HTR1F: variants seen among roughly 807,000 people sequenced by gnomAD.
HTR1F encodes the protein 5-hydroxytryptamine (serotonin) receptor 1F, G protein-coupled.
In HTR1F, 17 loss-of-function variants were observed where a neutral mutation model predicts 24.0. The ratio of observed to expected loss-of-function variants is 0.71; its 90% confidence interval spans 0.48 to 1.06. The LOEUF is 1.06. Ranked by LOEUF, HTR1F falls within the 50% of genes least tolerant of loss-of-function variation. The probability of loss-of-function intolerance (pLI) is 0.00; values close to 1 mark genes in which losing one functional copy is unlikely to be tolerated. For synonymous variants in HTR1F, 186 were observed against 156.8 expected, an observed-to-expected ratio of 1.19 and a Z score of -1.39; for missense variants, 391 against 427.8, an observed-to-expected ratio of 0.91 and a Z score of 0.76.
In HTR1F at chr3:87,993,150, A is replaced by T. The variant is rs1431157829; in HGVS notation, c.*1300A>T. On this transcript the variant is annotated 3_prime_UTR_variant, in exon 3 of 3. Transcript: ENST00000319595. ...CAAGATCGTTTGAAAAACAATATATACCTTTTTTTAAGTTGTACATTTATG... is the reference window on the plus strand; with the variant it reads ...CAAGATCGTTTGAAAAACAATATATTCCTTTTTTTAAGTTGTACATTTATG... 3 of 166,780 alleles carry T rather than the reference A, an allele frequency of 1.8e-5. No individual in the cohort carries two copies. The highest frequency in any genetic ancestry group is 4.4e-5 in the Non-Finnish European group (3 of 68,062). 10.3% of individuals were successfully genotyped at this position (166,780 alleles called of 1,614,324 possible). A position where few individuals can be genotyped will look rare whatever the true frequency, so the allele number is the denominator to read the frequency against.
At chr3:87,895,921 T>C (rs1426335546) in intron 2 of HTR1F, among the ~76,000 whole-genome samples, 10 of 152,152 alleles carry the variant, frequency 6.6e-5, no homozygotes, top group Non-Finnish European at 1.5e-5. Context: ...GGTGGTGTGA[T>C]GAGTAAGTGA....
chr3:87,868,551 A>T lies in HTR1F; in HGVS notation c.-43+46427A>T, dbSNP rs1705475823. Among the ~76,000 whole-genome samples the T allele has an allele frequency of 2.0e-5, 3 of 151,952 alleles. No individual in the cohort carries two copies. In the South Asian group the frequency reaches 6.2e-4, roughly 32 times the overall value. Reference sequence around the variant, plus strand: ...AATATATTCTGTTTTTAGGTAAAATATTGCCTGTCTAAATTATTATAAAAT... The same window carrying T: ...AATATATTCTGTTTTTAGGTAAAATTTTGCCTGTCTAAATTATTATAAAAT... On this transcript the variant is annotated intron_variant, in intron 2 of 2. Coordinates refer to ENST00000319595, the MANE Select transcript of HTR1F (RefSeq NM_001322209.2).
chr3:87,848,073 GT>G (rs1214020885), intron 2 of HTR1F, among the ~76,000 whole-genome samples: 1 of 151,910 alleles, frequency 6.6e-6, no homozygotes, highest in East Asian at 1.9e-4. Context: ...CCTCTTTTTA[GT>G]TTTTTGAGAA....
intron 2 of HTR1F, among the ~76,000 whole-genome samples, chr3:87,887,315 A>C (rs1559619445): frequency 6.6e-6 from 1 of 152,200 alleles, no homozygotes. Flanking sequence ...ACCTTATACA[A>C]AAATTAATTC....
intron 2 of HTR1F, among the ~76,000 whole-genome samples, chr3:87,936,782 C>T (rs1183013261): frequency 1.3e-5 from 2 of 152,042 alleles, no homozygotes; most frequent in African/African-American, 2.4e-5. Context: ...CTGTTTACTA[C>T]CCACTAGGAG....
intron 2 of HTR1F, among the ~76,000 whole-genome samples, chr3:87,918,207 C>A (rs1314681468): frequency 6.6e-6 from 1 of 151,798 alleles, no homozygotes; most frequent in Non-Finnish European, 1.5e-5. Flanking sequence ...AATTGACATA[C>A]AAGGGACATA....
chr3:87,936,907 C>T (rs1396312946), intron 2 of HTR1F, among the ~76,000 whole-genome samples: 1 of 151,286 alleles, frequency 6.6e-6, no homozygotes, highest in Non-Finnish European at 1.5e-5. Context: ...GACTCTACAC[C>T]ATCTCAAGAC....
At chr3:87,973,333 C>A (rs749407136) in intron 2 of HTR1F, among the ~76,000 whole-genome samples, 1 of 152,132 alleles carries the variant, frequency 6.6e-6, no homozygotes, top group Admixed American at 6.6e-5. Flanking sequence ...TCAAATTATT[C>A]TCCTACCATA....
At chr3:87,825,200 A>G (rs1284650593) in intron 2 of HTR1F, among the ~76,000 whole-genome samples, 1 of 152,210 alleles carries the variant, frequency 6.6e-6, no homozygotes, top group African/African-American at 2.4e-5. Context: ...TCCCATCACA[A>G]GAGTAGTGTC....
At chr3:87,818,012 A>T (rs899697617) in intron 1 of HTR1F, among the ~76,000 whole-genome samples, 2 of 152,232 alleles carry the variant, frequency 1.3e-5, no homozygotes, top group African/African-American at 4.8e-5. Context: ...TTTAATAAAA[A>T]TAAAGAGTTA....
intron 2 of HTR1F, among the ~76,000 whole-genome samples, chr3:87,850,996 G>T (rs572896166): frequency 1.3e-5 from 2 of 151,694 alleles, no homozygotes; most frequent in East Asian, 3.9e-4. Context: ...TTATTTGGTT[G>T]TTTTATAATA....
intron 2 of HTR1F, among the ~76,000 whole-genome samples, chr3:87,900,951 G>C (rs1251336684): frequency 6.6e-6 from 1 of 152,086 alleles, no homozygotes. Context: ...GAAGTCATGA[G>C]GATATATACA....
intron 2 of HTR1F, among the ~76,000 whole-genome samples, chr3:87,859,553 T>C (rs1705272454): frequency 2.0e-5 from 3 of 152,166 alleles, no homozygotes; most frequent in Admixed American, 2.0e-4. Flanking sequence ...TACCTATGTG[T>C]CCTTGGAGCA....
intron 2 of HTR1F, among the ~76,000 whole-genome samples, chr3:87,926,924 G>A (rs1228197215): frequency 6.7e-6 from 1 of 149,150 alleles, no homozygotes; most frequent in Admixed American, 6.7e-5. Flanking sequence ...AGAAATGTTA[G>A]TTAGTTAAAA....
chr3:87,925,927 C>A (rs775179748), intron 2 of HTR1F, among the ~76,000 whole-genome samples: 7 of 152,138 alleles, frequency 4.6e-5, no homozygotes, highest in Non-Finnish European at 5.9e-5. Context: ...CTCTTAGATA[C>A]TTTACTTGAA....
intron 2 of HTR1F, among the ~76,000 whole-genome samples, chr3:87,847,827 C>G (rs1288718220): frequency 6.6e-6 from 1 of 151,852 alleles, no homozygotes; most frequent in Non-Finnish European, 1.5e-5. Context: ...ATTCCACTTA[C>G]ACATAATGAC....
chr3:87,809,368 A>T (rs1704124311), intron 1 of HTR1F, among the ~76,000 whole-genome samples: 1 of 151,928 alleles, frequency 6.6e-6, no homozygotes, highest in Admixed American at 6.6e-5. Context: ...TCAACTCAAA[A>T]AATTATTTTT....
chr3:87,864,190 T>A (rs1343593114), intron 2 of HTR1F, among the ~76,000 whole-genome samples: 3 of 152,168 alleles, frequency 2.0e-5, no homozygotes, highest in South Asian at 4.1e-4. Context: ...GCTTCCTTAA[T>A]TCCATTTTTT....
chr3:87,987,107 AAAAAATAAAAT>A lies in HTR1F; in HGVS notation c.-42-3585_-42-3575del, dbSNP rs1470732821. 2.0e-3 allele frequency among the ~76,000 whole-genome samples: 255 copies of A among 125,780 alleles called. 1 individual carries two copies. Among genetic ancestry groups the A allele is most frequent in the African/African-American group, 7.2e-3 (247 of 34,510 alleles). The allele number at this position is 125,780 out of a possible 152,430, so 82.5% of individuals were successfully genotyped here. The stretch of plus-strand genomic sequence containing the variant: ...GGGTACAGAGTGAGACTCTGTCTCA[AAAAAATAAAAT>A]AAAAATAAAATAAAATAAAATAAAA... On this transcript the variant is annotated intron_variant, in intron 2 of 2. Transcript: ENST00000319595.
Sources: allele counts gnomAD v4.1 joint callset (sites outside exome capture counted in the v4.1 genomes callset), GRCh38; gene constraint gnomAD v4.1.1; transcripts MANE v1.5; gene names NCBI Gene and HGNC (gene_info 2026-07-23, HGNC 2026-07-21).